NRG1: variants seen among roughly 807,000 people sequenced by gnomAD.
NRG1 encodes pro-neuregulin-1, membrane-bound isoform.
Under a neutral mutation model 63.8 loss-of-function variants are expected in NRG1, and 18 were observed. The ratio of observed to expected loss-of-function variants is 0.28; its 90% CI spans 0.19 to 0.42. The LOEUF (loss-of-function observed/expected upper bound fraction) is 0.42, where lower values mean the gene tolerates loss of function less well. Among genes scored for constraint, NRG1 ranks in the 10% least tolerant of loss-of-function variants. The pLI, the probability that NRG1 is intolerant of heterozygous loss-of-function variation, is 1.00. For missense variants in NRG1, 762 were observed against 814.7 expected, an observed-to-expected ratio of 0.94 and a Z score of 0.79; for synonymous variants, 302 against 301.3, an observed-to-expected ratio of 1.00 and a Z score of -0.02.
intron 1 of NRG1, among the ~76,000 whole-genome samples, chr8:32,057,079 T>G (rs1426460016): frequency 6.6e-6 from 1 of 152,180 alleles, no homozygotes; most frequent in African/African-American, 2.4e-5. Flanking sequence ...TTCAAAGATG[T>G]CAGCTTCTTC....
At chr8:32,703,027 TAAATAAA>T (rs1380553776) in intron 5 of NRG1, among the ~76,000 whole-genome samples, 1 of 152,224 alleles carries the variant, frequency 6.6e-6, no homozygotes, top group African/African-American at 2.4e-5. Context: ...TGGTTTTCCT[TAAATAAA>T]TCAACAGTTT....
At chr8:32,731,082 A>C (rs939298208) in intron 6 of NRG1, among the ~76,000 whole-genome samples, 1 of 152,152 alleles carries the variant, frequency 6.6e-6, no homozygotes, top group African/African-American at 2.4e-5. Flanking sequence ...GTTTCTGCAT[A>C]CCTCTAAGGA....
intron 1 of NRG1, among the ~76,000 whole-genome samples, chr8:32,186,304 T>C (rs1841957532): frequency 6.6e-6 from 1 of 151,398 alleles, no homozygotes; most frequent in South Asian, 2.1e-4. Flanking sequence ...TCACTAAAAA[T>C]ACAAAAATTA....
At chr8:32,525,391 G>GGGGTGTGTGT (rs201406545) in intron 1 of NRG1, among the ~76,000 whole-genome samples, 2 of 145,794 alleles carry the variant, frequency 1.4e-5, no homozygotes, top group Non-Finnish European at 3.0e-5. Flanking sequence ...ATGAGGTAGG[G>GGGGTGTGTGT]GTGTGTGTGT....
intron 1 of NRG1, chr8:32,256,388 T>C (rs1361568715): frequency 1.3e-5 from 2 of 152,226 alleles, no homozygotes; most frequent in Non-Finnish European, 2.9e-5. Flanking sequence ...ATGTCCTTTT[T>C]GTTGATATTG....
At chr8:32,240,709 C>A (rs984789354) in intron 1 of NRG1, among the ~76,000 whole-genome samples, 3 of 151,726 alleles carry the variant, frequency 2.0e-5, no homozygotes, top group Non-Finnish European at 4.4e-5. Flanking sequence ...TATTGATTCA[C>A]AGGAAATTGT....
intron 1 of NRG1, among the ~76,000 whole-genome samples, chr8:32,400,989 C>A (rs757116473): frequency 2.6e-5 from 4 of 152,146 alleles, no homozygotes; most frequent in Admixed American, 1.3e-4. Context: ...ATGTCCTTTG[C>A]AGGAACATGG....
At chr8:32,772,607 G>T (rs1831888162), downstream of NRG1, among the ~76,000 whole-genome samples, 1 of 152,088 alleles carries the variant, frequency 6.6e-6, no homozygotes, top group South Asian at 2.1e-4. Context: ...CCTAGATGAT[G>T]ATTCTTTTTT....
intron 1 of NRG1, among the ~76,000 whole-genome samples, chr8:32,419,931 T>C (rs1401837732): frequency 2.0e-5 from 3 of 152,108 alleles, no homozygotes; most frequent in African/African-American, 7.2e-5. Flanking sequence ...ATATTGCGCG[T>C]CTTCTATTTT....
chr8:31,867,241 A>T (rs1359255625), intron 1 of NRG1, among the ~76,000 whole-genome samples: 4 of 152,196 alleles, frequency 2.6e-5, no homozygotes, highest in Non-Finnish European at 5.9e-5. Context: ...CACAAAATGG[A>T]AAATGTGCAC....
chr8:31,640,401 C>A lies in NRG1; in HGVS notation c.37+970C>A. The A allele has an allele frequency of 6.9e-7, 1 of 1,454,786 alleles. No individual in the cohort carries two copies. The allele number at this position is 1,454,786 out of a possible 1,614,324, so 90.1% of individuals were successfully genotyped here. On this transcript the variant is annotated intron_variant, in intron 1 of 10. Coordinates refer to the NRG1 transcript ENST00000519301. The surrounding 1 kb of genome is among the most constrained non-coding windows in gnomAD (Gnocchi z 6.3). ...AGCCGCTGCTCGCCGCCAACGGGAC[C>A]GTGCCCTCTTGGCCCACCGCCCCGG...
intron 3 of NRG1, among the ~76,000 whole-genome samples, chr8:32,606,319 A>C (rs1439182383): frequency 1.3e-5 from 2 of 151,856 alleles, no homozygotes; most frequent in East Asian, 3.9e-4. Flanking sequence ...TTAAACCATT[A>C]ATTTTTTTTA....
intron 1 of NRG1, among the ~76,000 whole-genome samples, chr8:32,367,310 T>C (rs1483170855): frequency 2.0e-5 from 3 of 152,198 alleles, no homozygotes; most frequent in Non-Finnish European, 4.4e-5. Flanking sequence ...CATTTATTAC[T>C]TTCTGTCTTT....
chr8:31,795,963 C>G (rs752791171), intron 1 of NRG1, among the ~76,000 whole-genome samples: 11 of 152,114 alleles, frequency 7.2e-5, no homozygotes, highest in Non-Finnish European at 1.3e-4. Context: ...CGTAGACACT[C>G]AAGAAATTGT....
intron 1 of NRG1, among the ~76,000 whole-genome samples, chr8:32,426,094 G>C (rs1270813575): frequency 9.9e-5 from 15 of 152,104 alleles, no homozygotes; most frequent in Non-Finnish European, 1.8e-4. Context: ...AATCAGAATT[G>C]GTCCCATATT....
chr8:31,639,805 T>C (rs1186753734), intron 1 of NRG1: 4 of 1,237,860 alleles, frequency 3.2e-6, no homozygotes, highest in East Asian at 3.9e-5. Flanking sequence ...ATCCACTTCT[T>C]CCCCCTCCTC....
intron 1 of NRG1, among the ~76,000 whole-genome samples, chr8:31,936,325 T>C (rs1363164065): frequency 1.3e-5 from 2 of 152,226 alleles, no homozygotes; most frequent in African/African-American, 4.8e-5. Context: ...AAGTTTTTTG[T>C]TGTAAAATAT....
rs574840509 is a variant in NRG1, at chr8:32,462,939, C to A, written c.38-132889C>A. Reference sequence around the variant, plus strand: ...GATTCTACATGATTACAAGTTTGTTCCCTCTCATCTACTTTCCATTTTCTC... The same window carrying A: ...GATTCTACATGATTACAAGTTTGTTACCTCTCATCTACTTTCCATTTTCTC... On this transcript the variant is annotated intron_variant, in intron 1 of 10. Coordinates refer to the NRG1 transcript ENST00000519301. 7.2e-5 allele frequency among the ~76,000 whole-genome samples: 11 copies of A among 152,012 alleles called. No individual in the cohort carries two copies. In the South Asian group the frequency reaches 2.3e-3, roughly 32 times the overall value.
chr8:31,848,048 A>G (rs909301219), intron 1 of NRG1, among the ~76,000 whole-genome samples: 8 of 152,214 alleles, frequency 5.3e-5, no homozygotes, highest in South Asian at 2.1e-4. Flanking sequence ...TTAAATTCAG[A>G]CAATTTTAAA....
Sources: gnomAD v4.1 joint callset for allele counts (sites outside exome capture counted in the v4.1 genomes callset) on GRCh38, gnomAD v4.1.1 for gene constraint, Gnocchi (gnomAD v3.1) non-coding constraint, MANE v1.5 for transcripts, NCBI Gene and HGNC (gene_info 2026-07-23, HGNC 2026-07-21) for gene names.